ZNF143: variants seen among roughly 807,000 people sequenced by gnomAD.
The protein encoded by ZNF143 is zinc finger protein 143, also known as SPH-binding factor.
A neutral mutation model predicts 74.1 loss-of-function variants in ZNF143; 49 were observed. That is an observed-to-expected ratio of 0.66 (90% confidence interval 0.53 to 0.84). The LOEUF is 0.84. Among genes scored for constraint, ZNF143 ranks in the 40% least tolerant of loss-of-function variants. ZNF143 has a pLI of 0.00. For synonymous variants in ZNF143, 304 were observed against 282.8 expected, an observed-to-expected ratio of 1.07 and a Z score of -0.75; for missense variants, 637 against 793.4, an observed-to-expected ratio of 0.80 and a Z score of 2.37.
chr11:9,466,743 C>T (rs1856244378), intron 1 of ZNF143, among the ~76,000 whole-genome samples: 1 of 151,686 alleles, frequency 6.6e-6, no homozygotes, highest in African/African-American at 2.4e-5. Context: ...GCCCAGCCTG[C>T]AAGGAAAATT....
chr11:9,519,171 ACT>A (rs1193798539), intron 14 of ZNF143, among the ~76,000 whole-genome samples: 1 of 150,916 alleles, frequency 6.6e-6, no homozygotes, highest in East Asian at 1.9e-4. Context: ...GTCAGTACTC[ACT>A]CTCCTTAGGC....
intron 7 of ZNF143, among the ~76,000 whole-genome samples, chr11:9,484,796 A>G (rs1298174710): frequency 5.6e-4 from 6 of 10,640 alleles, no homozygotes; most frequent in Admixed American, 9.5e-4. Context: ...GCACCTGGCC[A>G]AAGATTTTTT....
chr11:9,465,107 G>A (rs1247503537), intron 1 of ZNF143, among the ~76,000 whole-genome samples: 1 of 152,166 alleles, frequency 6.6e-6, no homozygotes, highest in Non-Finnish European at 1.5e-5. Flanking sequence ...TATGTATGTG[G>A]ATAGCAAGGG....
At position 9,484,800 on chromosome 11, in the gene ZNF143, A is replaced by ATTTT. The variant is rs1381085964; in HGVS notation, c.645+5266_645+5269dup. Reference sequence around the variant, plus strand: ...CGTGAGCCACCGCACCTGGCCAAAGATTTTTTTTTTTTTTTGAGACGGAGT... The same window carrying ATTTT: ...CGTGAGCCACCGCACCTGGCCAAAGATTTTTTTTTTTTTTTTTTTGAGACGGAGT... On this transcript the variant is annotated intron_variant, in intron 7 of 15. Coordinates refer to ENST00000396602, the MANE Select transcript of ZNF143 (RefSeq NM_003442.6). Among the ~76,000 whole-genome samples the ATTTT allele has an allele frequency of 3.0e-4, 20 of 66,998 alleles. 4 individuals are homozygous for ATTTT. The highest frequency in any genetic ancestry group is 8.2e-4 in the African/African-American group (12 of 14,698). The allele number at this position is 66,998 out of a possible 152,430, so 44.0% of individuals were successfully genotyped here. A position where few individuals can be genotyped will look rare whatever the true frequency, so the allele number is the denominator to read the frequency against.
At chr11:9,472,859 G>A (rs1321171325) in intron 3 of ZNF143, 90 bp downstream of exon 3, 1 of 786,998 alleles carries the variant, frequency 1.3e-6, no homozygotes, top group Non-Finnish European at 1.9e-6. Flanking sequence ...CCTTTCCTAT[G>A]TCTCCTAAAG....
rs1381085964 is a variant in ZNF143 at position 9,484,800 on chromosome 11, A to ATTTTTTTTTTTTTTTTT, written c.645+5269_645+5270insTTTTTTTTTTTTTTTTT. On this transcript the variant is annotated intron_variant, in intron 7 of 15. Transcript: ENST00000396602. ...CGTGAGCCACCGCACCTGGCCAAAG[A>ATTTTTTTTTTTTTTTTT]TTTTTTTTTTTTTTTGAGACGGAGT... Among the ~76,000 whole-genome samples the ATTTTTTTTTTTTTTTTT allele has an allele frequency of 5.7e-3, 380 of 66,970 alleles. 69 individuals carry two copies. Among genetic ancestry groups the ATTTTTTTTTTTTTTTTT allele is most frequent in the Middle Eastern group, 0.042 (2 of 48 alleles). The allele number at this position is 66,970 out of a possible 152,430, so 43.9% of individuals were successfully genotyped here.
In ZNF143 at chr11:9,482,064, G is replaced by A. The variant is rs572102387; in HGVS notation, c.645+2518G>A. 3.2e-3 allele frequency among the ~76,000 whole-genome samples: 449 copies of A among 141,772 alleles called. 4 individuals carry two copies. Among genetic ancestry groups the A allele is most frequent in the African/African-American group, 0.011 (431 of 38,092 alleles). The allele number at this position is 141,772 out of a possible 152,430, so 93.0% of individuals were successfully genotyped here. ...TGGCTCACTGCAAGCTCTGCCTCCC[G>A]GGTTCACGCCATTCTCCTGCCTCAG... On this transcript the variant is annotated intron_variant, in intron 7 of 15. Transcript: ENST00000396602.
rs75061562 is a variant in ZNF143, at chr11:9,500,947, C to A, written c.968-144C>A. The A allele has an allele frequency of 4.8e-3, 4,249 of 887,826 alleles. 158 individuals are homozygous for A. The African/African-American group carries it at 0.063, about 13-fold the overall frequency. The allele number at this position is 887,826 out of a possible 1,614,324, so 55.0% of individuals were successfully genotyped here. A position where few individuals can be genotyped will look rare whatever the true frequency, so the allele number is the denominator to read the frequency against. On this transcript the variant is annotated intron_variant, in intron 10 of 15. Transcript: ENST00000396602. ...GAGTGGAAGATGCTGTTTCCCCAAC[C>A]CCCCCAAAAAAATGCCTGAAAGGGA...
chr11:9,514,494 G>A (rs930516311), intron 13 of ZNF143, among the ~76,000 whole-genome samples: 1 of 152,190 alleles, frequency 6.6e-6, no homozygotes, highest in Non-Finnish European at 1.5e-5. Context: ...GTAGGAGAGA[G>A]ACCCTTTTAG....
At chr11:9,510,525 AT>A (rs1328043409) in intron 12 of ZNF143, among the ~76,000 whole-genome samples, 1 of 152,178 alleles carries the variant, frequency 6.6e-6, no homozygotes, top group African/African-American at 2.4e-5. Context: ...ATAGGGATGG[AT>A]TTCTGTTTTC....
chr11:9,503,165 C>A (rs1848229639), intron 11 of ZNF143, among the ~76,000 whole-genome samples: 1 of 152,180 alleles, frequency 6.6e-6, no homozygotes, highest in Non-Finnish European at 1.5e-5. Flanking sequence ...CATGTTGTAG[C>A]AACTTTTAAA....
In ZNF143 at chr11:9,516,868, C is replaced by G. The variant is rs117333714; in HGVS notation, c.1686+506C>G. Among the ~76,000 whole-genome samples the G allele has an allele frequency of 9.6e-3, 1,468 of 152,214 alleles. 26 individuals are homozygous for G. The highest frequency in any genetic ancestry group is 0.011 in the Non-Finnish European group (780 of 68,006). The stretch of plus-strand genomic sequence containing the variant: ...CTTCCAGTCATTAAGCATATACAAA[C>G]AAATACAAATAAGTAAATAGTCATC... On this transcript the variant is annotated intron_variant, in intron 14 of 15. Coordinates refer to ENST00000396602, the MANE Select transcript of ZNF143 (RefSeq NM_003442.6).
At chr11:9,472,912 TTC>T in intron 3 of ZNF143, 143 bp downstream of exon 3, 1 of 438,236 alleles carries the variant, frequency 2.3e-6, no homozygotes. Context: ...TTCAGTTTAA[TTC>T]TTTTTTTTTT....
At chr11:9,484,990 G>A (rs367567942) in intron 7 of ZNF143, among the ~76,000 whole-genome samples, 1 of 149,020 alleles carries the variant, frequency 6.7e-6, no homozygotes, top group East Asian at 2.0e-4. Context: ...GTAGAGACAG[G>A]GTTTCACTGT....
rs367797897 is a variant in ZNF143 at position 9,486,168 on chromosome 11, C to G, written c.645+6622C>G. On this transcript the variant is annotated intron_variant, in intron 7 of 15. Coordinates refer to ENST00000396602, the MANE Select transcript of ZNF143 (RefSeq NM_003442.6). The stretch of plus-strand genomic sequence containing the variant: ...TGGATAGCCATGGGGGCCAATTAGA[C>G]AGTGTACGTAAAGCAGCCACCACAG... 1.2e-3 allele frequency among the ~76,000 whole-genome samples: 170 copies of G among 147,604 alleles called. 7 individuals carry two copies. In the Middle Eastern group the frequency reaches 0.031, roughly 27 times the overall value.
At chr11:9,500,297 G>A (rs891197873) in intron 10 of ZNF143, among the ~76,000 whole-genome samples, 4 of 150,748 alleles carry the variant, frequency 2.7e-5, no homozygotes, top group African/African-American at 9.8e-5. Context: ...TGTCCAGCAG[G>A]TATTTTTGAC....
At chr11:9,514,520 A>G (rs1848658336) in intron 13 of ZNF143, among the ~76,000 whole-genome samples, 1 of 152,244 alleles carries the variant, frequency 6.6e-6, no homozygotes, top group African/African-American at 2.4e-5. Flanking sequence ...ATAATTTTTC[A>G]TAATGACGTG....
Position 9,461,031 on chromosome 11 carries a change from G to T in ZNF143, c.-53G>T, listed in dbSNP as rs1319474204. ...GGCCGGACGGCTGTTTCCTGTCCTG[G>T]TGCATGGTGGTCGGACGAAGGAATT... On this transcript the variant is annotated 5_prime_UTR_variant, in exon 1 of 16. Coordinates refer to ENST00000396602, the MANE Select transcript of ZNF143 (RefSeq NM_003442.6). The T allele has an allele frequency of 3.0e-6, 3 of 986,022 alleles. No homozygotes were observed. The highest frequency in any genetic ancestry group is 3.6e-6 in the Non-Finnish European group (3 of 830,182). The allele number at this position is 986,022 out of a possible 1,614,324, so 61.1% of individuals were successfully genotyped here. A position where few individuals can be genotyped will look rare whatever the true frequency, so the allele number is the denominator to read the frequency against.
chr11:9,500,325 G>C (rs911576911), intron 10 of ZNF143, among the ~76,000 whole-genome samples: 4 of 131,510 alleles, frequency 3.0e-5, no homozygotes, highest in African/African-American at 8.2e-5. Context: ...CTAGGCACTA[G>C]ATTTTCTTTT....
Sources: allele counts gnomAD v4.1 joint callset (sites outside exome capture counted in the v4.1 genomes callset), GRCh38; gene constraint gnomAD v4.1.1; transcripts MANE v1.5; gene names NCBI Gene and HGNC (gene_info 2026-07-23, HGNC 2026-07-21).